Variants in POLB observed in about 807,000 individuals in gnomAD.
The protein encoded by POLB is DNA polymerase beta, also known as 5'-dRP lyase.
Under a neutral mutation model 52.7 loss-of-function variants are expected in POLB, and 37 were observed. The ratio of observed to expected loss-of-function variants is 0.70; its 90% CI spans 0.54 to 0.92. The LOEUF (loss-of-function observed/expected upper bound fraction) is 0.92, where lower values mean the gene tolerates loss of function less well. POLB is among the 40% of genes least tolerant of loss of function. POLB has a pLI of 0.00. For missense variants in POLB, 313 were observed against 400.8 expected, an observed-to-expected ratio of 0.78 and a Z score of 1.87; for synonymous variants, 138 against 131.3, an observed-to-expected ratio of 1.05 and a Z score of -0.35.
At chr8:42,351,215 A>G (rs1158392722) in intron 5 of POLB, among the ~76,000 whole-genome samples, 1 of 152,196 alleles carries the variant, frequency 6.6e-6, no homozygotes, top group African/African-American at 2.4e-5. Context: ...AAGAGAACTG[A>G]AAGTTGAATA....
chr8:42,350,253 C>T (rs1822895078), intron 5 of POLB, among the ~76,000 whole-genome samples, 188 bp downstream of exon 5: 1 of 152,106 alleles, frequency 6.6e-6, no homozygotes, highest in South Asian at 2.1e-4. Flanking sequence ...GTAAGGTCCC[C>T]ATCCAAGGCA....
intron 12 of POLB, chr8:42,369,588 G>A (rs1563410363): frequency 1.9e-6 from 1 of 517,426 alleles, no homozygotes; most frequent in South Asian, 3.3e-5. Flanking sequence ...GTCATTTCCT[G>A]CCTGGGCTAA....
chr8:42,341,431 A>G (rs1822195286), intron 2 of POLB, among the ~76,000 whole-genome samples: 1 of 152,222 alleles, frequency 6.6e-6, no homozygotes, highest in African/African-American at 2.4e-5. Flanking sequence ...AGAGAAGTTC[A>G]AATCCAAATA....
intron 1 of POLB, 125 bp from the exon 2 acceptor site, chr8:42,338,887 G>A: frequency 4.1e-6 from 4 of 976,388 alleles, no homozygotes; most frequent in Non-Finnish European, 6.5e-6. Context: ...GGCTGCTTTT[G>A]GTCTGGCCCT....
At chr8:42,361,547 TC>T (rs1823689170) in intron 10 of POLB, 182 bp downstream of exon 10, 6 of 588,298 alleles carry the variant, frequency 1.0e-5, no homozygotes, top group Non-Finnish European at 1.5e-5. Flanking sequence ...CTATTATTCT[TC>T]CATGAGTTGC....
intron 11 of POLB, among the ~76,000 whole-genome samples, chr8:42,366,903 T>C (rs951122399): frequency 1.3e-5 from 2 of 152,216 alleles, no homozygotes; most frequent in African/African-American, 4.8e-5. Context: ...TTTGCACAAC[T>C]TCAAAGATAA....
At chr8:42,350,200 T>C in intron 5 of POLB, 135 bp downstream of exon 5, 1 of 695,958 alleles carries the variant, frequency 1.4e-6, no homozygotes, top group South Asian at 1.5e-5. Flanking sequence ...CACCCTTCCA[T>C]AGCTTATGAT....
intron 9 of POLB, chr8:42,361,013 GT>G: frequency 1.8e-6 from 1 of 555,186 alleles, no homozygotes. Flanking sequence ...TTATTGAGTA[GT>G]TACTTAGGTG....
In POLB at chr8:42,351,430, T is replaced by C. The variant is rs562514439; in HGVS notation, c.321-1089T>C. On this transcript the variant is annotated intron_variant, in intron 5 of 13. Coordinates refer to ENST00000265421, the MANE Select transcript of POLB (RefSeq NM_002690.3). The stretch of plus-strand genomic sequence containing the variant: ...CACTGTGGCCCCAGACTATTGTGCT[T>C]GTATGTTTATATGTGTGTGTATGCA... Among the ~76,000 whole-genome samples, 3 of 152,328 alleles carry C rather than the reference T, an allele frequency of 2.0e-5. No homozygotes were observed. In the South Asian group the frequency reaches 6.2e-4, roughly 32 times the overall value.
intron 6 of POLB, among the ~76,000 whole-genome samples, chr8:42,352,773 A>G (rs1166900164): frequency 1.3e-5 from 2 of 152,208 alleles, no homozygotes; most frequent in Admixed American, 1.3e-4. Context: ...ACTAACTCAG[A>G]GAAAACTAAG....
At chr8:42,362,302 G>T (rs955654042) in intron 10 of POLB, among the ~76,000 whole-genome samples, 1 of 147,836 alleles carries the variant, frequency 6.8e-6, no homozygotes. Context: ...ATAAAATAGA[G>T]ATTTCTCCAT....
intron 3 of POLB, among the ~76,000 whole-genome samples, chr8:42,348,321 A>T (rs962858074): frequency 6.6e-5 from 10 of 152,228 alleles, no homozygotes; most frequent in African/African-American, 2.2e-4. Context: ...GTGCTGCCCA[A>T]TACAGCAACC....
intron 9 of POLB, chr8:42,360,989 ATT>A (rs1042393674): frequency 2.2e-6 from 1 of 459,000 alleles, no homozygotes; most frequent in African/African-American, 2.0e-5. Flanking sequence ...ATTTTAAAAT[ATT>A]GTTTTTATTC....
intron 3 of POLB, among the ~76,000 whole-genome samples, chr8:42,346,384 CT>C (rs549901516): frequency 2.4e-3 from 332 of 136,756 alleles, no homozygotes; most frequent in Admixed American, 2.5e-3. Context: ...TTTCTTTTTT[CT>C]TTTTTTTTTT....
intron 9 of POLB, among the ~76,000 whole-genome samples, chr8:42,359,836 G>A (rs183548682): frequency 1.3e-5 from 2 of 152,054 alleles, no homozygotes; most frequent in Non-Finnish European, 2.9e-5. Context: ...TAGGCGGACA[G>A]TGAAAGACAT....
At chr8:42,349,314 A>G in intron 4 of POLB, 1 of 390,308 alleles carries the variant, frequency 2.6e-6, no homozygotes, top group Non-Finnish European at 4.6e-6. Flanking sequence ...GAGTTGGCTC[A>G]TCGTTTTCAG....
At chr8:42,370,275 T>G (rs1459200777) in intron 13 of POLB, 6 of 479,286 alleles carry the variant, frequency 1.3e-5, no homozygotes, top group Non-Finnish European at 1.9e-5. Context: ...TTTTTTTTTT[T>G]TTTTTTTTTG....
intron 6 of POLB, 40 bp downstream of exon 6, chr8:42,352,608 G>A: frequency 8.5e-7 from 1 of 1,182,518 alleles, no homozygotes; most frequent in Non-Finnish European, 1.3e-6. Context: ...GATTAAATAT[G>A]GTCCTGAAGG....
At chr8:42,369,435 C>T (rs1032380323) in intron 12 of POLB, 100 bp downstream of exon 12, 1 of 675,120 alleles carries the variant, frequency 1.5e-6, no homozygotes, top group African/African-American at 1.8e-5. Context: ...ATATCTAGAG[C>T]CTTTTTTTAC....
Sources: gnomAD v4.1 joint callset for allele counts (sites outside exome capture counted in the v4.1 genomes callset) on GRCh38, gnomAD v4.1.1 for gene constraint, MANE v1.5 for transcripts, NCBI Gene and HGNC (gene_info 2026-07-23, HGNC 2026-07-21) for gene names.